The following ZNF704 variants were observed in gnomAD, a reference collection of about 807,000 sequenced individuals.
The protein encoded by ZNF704 is zinc finger protein 704.
ZNF704 carries 10 observed loss-of-function variants against 44.7 expected under a neutral mutation model. The ratio of observed to expected loss-of-function variants is 0.22; its 90% CI spans 0.14 to 0.38. The LOEUF (loss-of-function observed/expected upper bound fraction) is 0.38. ZNF704 is among the 10% of genes least tolerant of loss of function. The pLI is 1.00. For missense variants in ZNF704, 390 were observed against 545.5 expected (o/e 0.71, Z 2.84); for synonymous variants, 211 against 207.6 (o/e 1.02, Z -0.14).
rs546187811 is a variant in ZNF704 at position 80,693,008 on chromosome 8, C to T, written c.321G>A (p.Pro107=). The T allele has an allele frequency of 1.2e-5, 19 of 1,614,070 alleles. No homozygotes were observed. Among genetic ancestry groups the T allele is most frequent in the Admixed American group, 3.3e-5 (2 of 60,034 alleles). The part of the protein sequence containing the change: ...SPLVRSPPVR[P]NESLSGSWKE... ...AGTCCCATATCCTGGGCTTACCGTT[C>T]GGCCGCACGGGAGGACTTCGAACCA... is the stretch of plus-strand genomic sequence containing the variant. Residue 107 remains proline, a synonymous_variant, in exon 3 of 9, where the codon CCG becomes CCA. Coordinates refer to ENST00000327835, the MANE Select transcript of ZNF704 (RefSeq NM_001033723.3).
chr8:80,698,855 CG>C (rs559008026), intron 2 of ZNF704, among the ~76,000 whole-genome samples: 69 of 152,272 alleles, frequency 4.5e-4, no homozygotes, highest in African/African-American at 1.5e-3. Context: ...TTGTTTGTGC[CG>C]CAAGAAGCCT....
intron 2 of ZNF704, among the ~76,000 whole-genome samples, chr8:80,704,000 G>T (rs892324561): frequency 4.6e-5 from 7 of 151,354 alleles, no homozygotes; most frequent in African/African-American, 1.7e-4. Flanking sequence ...TCGTTCATAG[G>T]ATTTTTTTTT....
chr8:80,701,139 CTGAATCCTCCTG>C (rs1171563365), intron 2 of ZNF704, among the ~76,000 whole-genome samples: 3 of 150,080 alleles, frequency 2.0e-5, no homozygotes, highest in Non-Finnish European at 4.4e-5. Flanking sequence ...CAAACCCTGG[CTGAATCCTCCTG>C]TGCTGCTCTT....
chr8:80,816,240 T>G (rs1246881694), intron 2 of ZNF704, among the ~76,000 whole-genome samples: 2 of 152,202 alleles, frequency 1.3e-5, no homozygotes, highest in Non-Finnish European at 2.9e-5. Flanking sequence ...ACACCTAAAG[T>G]GATCTTCCAC....
intron 6 of ZNF704, among the ~76,000 whole-genome samples, chr8:80,664,499 G>A (rs1014014345): frequency 2.0e-5 from 3 of 151,982 alleles, no homozygotes; most frequent in African/African-American, 7.3e-5. Flanking sequence ...TCGAACTCCC[G>A]ACCTCAGGTG....
chr8:80,665,165 T>C (rs552341758), intron 5 of ZNF704, 83 bp from the exon 6 acceptor site: 1 of 1,464,264 alleles, frequency 6.8e-7, no homozygotes, highest in Non-Finnish European at 9.3e-7. Flanking sequence ...TTCCCCTCTG[T>C]CTGGAATGCT....
intron 2 of ZNF704, among the ~76,000 whole-genome samples, chr8:80,766,070 AAT>A (rs1170261902): frequency 6.6e-6 from 1 of 152,094 alleles, no homozygotes; most frequent in Non-Finnish European, 1.5e-5. Flanking sequence ...TGTTTTGGTA[AAT>A]ATACTCTTTC....
At chr8:80,724,116 T>C (rs1401006469) in intron 2 of ZNF704, among the ~76,000 whole-genome samples, 1 of 152,238 alleles carries the variant, frequency 6.6e-6, no homozygotes, top group Non-Finnish European at 1.5e-5. Context: ...TCATCATCAA[T>C]AATTATCTGG....
chr8:80,687,322 G>A lies in ZNF704; in HGVS notation c.462C>T (p.Phe154=). 6.2e-7 allele frequency: 1 copy of A among 1,612,330 alleles called. No homozygotes were observed. Among genetic ancestry groups the A allele is most frequent in the African/African-American group, 1.3e-5 (1 of 75,068 alleles). The stretch of plus-strand genomic sequence containing the variant: ...GCTGCGCGGGGCTGCGGAAGGGCTT[G>A]AAGCTGTCAGCCGAGAGCGGCGGCG... ...TPSPPLSADS[F]KPFRSPAQPD... The change falls in exon 4 of 9, where the codon TTC becomes TTT. Residue 154 remains phenylalanine, a synonymous_variant. Transcript: ENST00000327835.
intron 2 of ZNF704, among the ~76,000 whole-genome samples, chr8:80,766,421 C>T (rs1201258036): frequency 6.6e-6 from 1 of 152,154 alleles, no homozygotes; most frequent in East Asian, 1.9e-4. Context: ...GCTGCTATTT[C>T]CTGGTGTCTA....
At chr8:80,816,088 A>C (rs1808172719) in intron 2 of ZNF704, among the ~76,000 whole-genome samples, 1 of 152,134 alleles carries the variant, frequency 6.6e-6, no homozygotes, top group Non-Finnish European at 1.5e-5. Context: ...TTCTACCTCA[A>C]GGTCTGGTCT....
chr8:80,716,627 G>A (rs138056677), intron 2 of ZNF704, among the ~76,000 whole-genome samples: 41 of 152,320 alleles, frequency 2.7e-4, no homozygotes, highest in African/African-American at 9.9e-4. Context: ...CTAATTGCAT[G>A]TTCAGAAAAC....
intron 7 of ZNF704, among the ~76,000 whole-genome samples, 156 bp from the exon 8 acceptor site, chr8:80,643,285 C>G (rs866080170): frequency 6.6e-6 from 1 of 151,858 alleles, no homozygotes; most frequent in South Asian, 2.1e-4. Context: ...TTTGGGAGGC[C>G]AAGGAGGGCG....
At chr8:80,684,033 C>A (rs1818495983) in intron 4 of ZNF704, among the ~76,000 whole-genome samples, 1 of 152,192 alleles carries the variant, frequency 6.6e-6, no homozygotes, top group Admixed American at 6.5e-5. Context: ...CACATTCCAG[C>A]ACTTAAGACC....
intron 4 of ZNF704, among the ~76,000 whole-genome samples, chr8:80,685,324 T>A (rs73271059): frequency 0.039 from 5,963 of 152,120 alleles, 381 homozygotes; most frequent in African/African-American, 0.13. Flanking sequence ...TGGAAGGGTA[T>A]GACAGGCTTT....
chr8:80,671,714 C>T (rs1818284180), intron 4 of ZNF704, among the ~76,000 whole-genome samples: 1 of 152,168 alleles, frequency 6.6e-6, no homozygotes, highest in African/African-American at 2.4e-5. Context: ...CCTTTTCCTG[C>T]TGGGTACACA....
intron 2 of ZNF704, among the ~76,000 whole-genome samples, chr8:80,775,329 C>T (rs188032240): frequency 2.2e-3 from 333 of 152,262 alleles, no homozygotes; most frequent in Non-Finnish European, 4.1e-3. Flanking sequence ...ACCTGACATA[C>T]AATAGTTTTA....
chr8:80,832,969 A>G (rs16908069), intron 1 of ZNF704, among the ~76,000 whole-genome samples: 2,481 of 152,330 alleles, frequency 0.016, 71 homozygotes, highest in African/African-American at 0.055. Flanking sequence ...TGCAAATCAG[A>G]CCCAATAGAT....
chr8:80,823,355 C>T (rs531268703), intron 1 of ZNF704, among the ~76,000 whole-genome samples: 30 of 152,296 alleles, frequency 2.0e-4, no homozygotes, highest in Middle Eastern at 6.8e-3. Flanking sequence ...AACTGCAAGG[C>T]GGCAGCAAGG....
Sources: gnomAD v4.1 joint callset for allele counts (sites outside exome capture counted in the v4.1 genomes callset) on GRCh38, gnomAD v4.1.1 for gene constraint, MANE v1.5 for transcripts, NCBI Gene and HGNC (gene_info 2026-07-23, HGNC 2026-07-21) for gene names.